GCNT3: variants seen among roughly 807,000 people sequenced by gnomAD.
GCNT3 encodes glucosaminyl (N-acetyl) transferase 3, mucin type.
For synonymous variants in GCNT3, 269 were observed against 195.2 expected, an observed-to-expected ratio of 1.38 and a Z score of -3.15; for missense variants, 708 against 530.3, an observed-to-expected ratio of 1.34 and a Z score of -3.29.
chr15:59,612,224 A>G (rs538382453), intron 1 of GCNT3, among the ~76,000 whole-genome samples: 3 of 152,170 alleles, frequency 2.0e-5, no homozygotes, highest in Non-Finnish European at 4.4e-5. Flanking sequence ...CAAACATACA[A>G]GGATTTATAA....
rs970423544 is a variant in GCNT3, at chr15:59,619,432, G to A, written c.1194G>A (p.Leu398=). ...TCTGCGTTTATGGGGCTGGGGACTT[G>A]AATTGGATGCTTCAAAACCATCACC... ...RAICVYGAGD[L]NWMLQNHHLL... Residue 398 remains leucine, a synonymous_variant, in exon 3 of 3, where the codon TTG becomes TTA. Transcript: ENST00000396065. 10 of 1,614,146 alleles carry A rather than the reference G, an allele frequency of 6.2e-6. No individual in the cohort carries two copies. Among genetic ancestry groups the A allele is most frequent in the East Asian group, 2.2e-5 (1 of 44,892 alleles).
chr15:59,617,170 C>CTTTTTTTTTTTTTTTTTT (rs373439386), intron 2 of GCNT3, among the ~76,000 whole-genome samples: 1 of 82,378 alleles, frequency 1.2e-5, no homozygotes, highest in African/African-American at 4.6e-5. Flanking sequence ...CTTTTGTTTT[C>CTTTTTTTTTTTTTTTTTT]TTTCTTTCTT....
At chr15:59,614,733 C>T (rs1180093312) in intron 1 of GCNT3, among the ~76,000 whole-genome samples, 4 of 152,112 alleles carry the variant, frequency 2.6e-5, no homozygotes, top group African/African-American at 9.7e-5. Context: ...GTATCTTGGG[C>T]CTATCTCCTC....
intron 2 of GCNT3, among the ~76,000 whole-genome samples, chr15:59,617,246 A>G (rs2082724240): frequency 6.6e-6 from 1 of 151,058 alleles, no homozygotes; most frequent in Non-Finnish European, 1.5e-5. Context: ...AGTCCAAACA[A>G]AATATAAAAG....
rs1377342086 is a variant in GCNT3, at chr15:59,618,754, C to G, written c.516C>G (p.Phe172Leu). The change falls in exon 3 of 3, where the codon TTC (phenylalanine) becomes TTG (leucine). Residue 172 changes from phenylalanine (F) to leucine (L), a missense_variant. By Grantham distance (22) the Phe-to-Leu change is conservative. Coordinates refer to ENST00000396065, the MANE Select transcript of GCNT3 (RefSeq NM_004751.3). The part of the protein sequence containing the change: ...VHVDEKSPET[F>L]KEAVKAIISC... Reference sequence around the variant, plus strand: ...TGGATGAGAAGTCCCCAGAAACTTTCAAAGAGGCGGTCAAAGCAATTATTT... The same window carrying G: ...TGGATGAGAAGTCCCCAGAAACTTTGAAAGAGGCGGTCAAAGCAATTATTT... The G allele has an allele frequency of 1.2e-6, 2 of 1,614,202 alleles. No homozygotes were observed.
intron 1 of GCNT3, among the ~76,000 whole-genome samples, chr15:59,615,936 C>T (rs1423723751): frequency 2.0e-5 from 3 of 152,182 alleles, no homozygotes; most frequent in African/African-American, 7.2e-5. Context: ...AGGAGTGTTG[C>T]TTTTTAGGAG....
intron 1 of GCNT3, among the ~76,000 whole-genome samples, chr15:59,614,605 T>C (rs1378804654): frequency 6.6e-6 from 1 of 152,206 alleles, no homozygotes; most frequent in African/African-American, 2.4e-5. Context: ...GTCATGGCAC[T>C]GGGGGCAGTG....
rs757048580 is a variant in GCNT3, at chr15:59,618,857, C to G, written c.619C>G (p.Leu207Val). ...CTCCTGGTCCAGGGTGCAAGCTGAC[C>G]TCAACTGCATGGAAGACTTGCTCCA... Reference protein sequence around the residue: ...YASWSRVQADLNCMEDLLQSS... With the variant: ...YASWSRVQADVNCMEDLLQSS... Residue 207 changes from leucine to valine, a missense_variant, in exon 3 of 3, where the codon CTC becomes GTC. Physicochemically the swap from Leu to Val is conservative, Grantham distance 32. Coordinates refer to ENST00000396065, the MANE Select transcript of GCNT3 (RefSeq NM_004751.3). The G allele has an allele frequency of 2.5e-6, 4 of 1,614,022 alleles. No homozygotes were observed. Among genetic ancestry groups the G allele is most frequent in the Non-Finnish European group, 3.4e-6 (4 of 1,180,030 alleles).
In GCNT3 at chr15:59,618,710, A is replaced by G; in HGVS notation, c.472A>G (p.Asn158Asp). 1.9e-6 allele frequency: 3 copies of G among 1,614,030 alleles called. No homozygotes were observed. The highest frequency in any genetic ancestry group is 2.7e-5 in the African/African-American group (2 of 75,052). ...ACTGCGAGCTGTGTATGCCCCTCAG[A>G]ACATATACTGTGTCCATGTGGATGA... ...RLLRAVYAPQ[N>D]IYCVHVDEKS... Residue 158 changes from asparagine to aspartate, a missense_variant, in exon 3 of 3, where the codon AAC (asparagine) becomes GAC (aspartate). Transcript: ENST00000396065.
chr15:59,614,261 C>T (rs781765182), intron 1 of GCNT3, among the ~76,000 whole-genome samples: 15 of 152,200 alleles, frequency 9.9e-5, no homozygotes, highest in East Asian at 1.9e-4. Flanking sequence ...ATCCCAGTAC[C>T]GCAGAAAACA....
At chr15:59,612,543 G>A (rs2082700935) in intron 1 of GCNT3, among the ~76,000 whole-genome samples, 1 of 152,146 alleles carries the variant, frequency 6.6e-6, no homozygotes, top group African/African-American at 2.4e-5. Context: ...TTTGTCCTTA[G>A]CAGGGGTAAA....
In GCNT3 at chr15:59,620,984, A is replaced by C. The variant is rs1404693173; in HGVS notation, c.*1429A>C. ...CTGAAGCCTCTGCCTCCCAGGTTCAAGTGATTCTCCCCCCAAACCTTGCAA... is the reference window on the plus strand; with the variant it reads ...CTGAAGCCTCTGCCTCCCAGGTTCACGTGATTCTCCCCCCAAACCTTGCAA... On this transcript the variant is annotated 3_prime_UTR_variant, in exon 3 of 3. Coordinates refer to ENST00000396065, the MANE Select transcript of GCNT3 (RefSeq NM_004751.3). 1.4e-5 allele frequency: 2 copies of C among 145,934 alleles called. No individual in the cohort carries two copies. The highest frequency in any genetic ancestry group is 7.3e-5 in the Admixed American group (1 of 13,778). 9.0% of individuals were successfully genotyped at this position (145,934 alleles called of 1,614,324 possible). A position where few individuals can be genotyped will look rare whatever the true frequency, so the allele number is the denominator to read the frequency against.
Position 59,622,425 on chromosome 15 carries a change from A to T in GCNT3, c.*2870A>T, listed in dbSNP as rs910306169. 6.6e-6 allele frequency: 1 copy of T among 152,224 alleles called. No homozygotes were observed. The highest frequency in any genetic ancestry group is 3.4e-3 in the Middle Eastern group (1 of 294). The allele number at this position is 152,224 out of a possible 1,614,324, so 9.4% of individuals were successfully genotyped here. On this transcript the variant is annotated 3_prime_UTR_variant, in exon 3 of 3. Transcript: ENST00000396065. ...TAGAGTCCTATTCACTTTGCTCCCA[A>T]CCCCACTACGGAGATGACTGATGAC...
chr15:59,616,322 A>G (rs1160162912), intron 1 of GCNT3: 1 of 152,164 alleles, frequency 6.6e-6, no homozygotes, highest in East Asian at 1.9e-4. Context: ...CTTGAAGAGT[A>G]TTTTTATTCC....
At chr15:59,617,149 T>TCTTTC in intron 2 of GCNT3, among the ~76,000 whole-genome samples, 1 of 150,528 alleles carries the variant, frequency 6.6e-6, no homozygotes, top group South Asian at 2.1e-4. Flanking sequence ...CAATGTTTTT[T>TCTTTC]CTTTATTTTT....
At position 59,619,194 on chromosome 15, in the gene GCNT3, TTGAA is replaced by T. The variant is rs2082735403; in HGVS notation, c.959_962del (p.Glu320GlyfsTer2). 6.2e-7 allele frequency: 1 copy of T among 1,613,846 alleles called. No homozygotes were observed. Among genetic ancestry groups the T allele is most frequent in the Non-Finnish European group, 8.5e-7 (1 of 1,179,960 alleles). On this transcript the variant is annotated frameshift_variant, in exon 3 of 3. Transcript: ENST00000396065. LOFTEE classifies it low-confidence loss of function (END_TRUNC). The stretch of plus-strand genomic sequence containing the variant: ...AAGAACCCTAAATCCCAACAACTGA[TTGAA>T]TGGGTAAAAGACACTTATAGCCCAG...
chr15:59,615,390 A>C (rs976466637), intron 1 of GCNT3, among the ~76,000 whole-genome samples: 1 of 151,824 alleles, frequency 6.6e-6, no homozygotes, highest in Non-Finnish European at 1.5e-5. Flanking sequence ...AGTGGTCACC[A>C]CTCTTCAGAG....
Position 59,621,071 on chromosome 15 carries a change from G to T in GCNT3, c.*1516G>T, listed in dbSNP as rs1890922312. 1 of 151,276 alleles carries T rather than the reference G, an allele frequency of 6.6e-6. No individual in the cohort carries two copies. The highest frequency in any genetic ancestry group is 1.5e-5 in the Non-Finnish European group (1 of 67,862). 9.4% of individuals were successfully genotyped at this position (151,276 alleles called of 1,614,324 possible). On this transcript the variant is annotated 3_prime_UTR_variant, in exon 3 of 3. Coordinates refer to ENST00000396065, the MANE Select transcript of GCNT3 (RefSeq NM_004751.3). ...CTGATTTTTGTGTATTTTTAGTAAAGATGGGGTTTCACCATGTTGGCCAGG... is the reference window on the plus strand; with the variant it reads ...CTGATTTTTGTGTATTTTTAGTAAATATGGGGTTTCACCATGTTGGCCAGG...
chr15:59,619,319 G>A lies in GCNT3; in HGVS notation c.1081G>A (p.Ala361Thr), dbSNP rs540970335. The change falls in exon 3 of 3, where the codon GCC (alanine) becomes ACC (threonine). Residue 361 changes from alanine to threonine, a missense_variant. Coordinates refer to ENST00000396065, the MANE Select transcript of GCNT3 (RefSeq NM_004751.3). ...KYDISDMTSI[A>T]RLVKWQGHEG... is the part of the protein sequence containing the mutation. ...CGACATCTCAGACATGACTTCTATT[G>A]CCAGGCTGGTCAAGTGGCAGGGTCA... 1 of 1,614,028 alleles carries A rather than the reference G, an allele frequency of 6.2e-7. No individual in the cohort carries two copies. The highest frequency in any genetic ancestry group is 8.5e-7 in the Non-Finnish European group (1 of 1,179,992).
Sources: allele counts gnomAD v4.1 joint callset (sites outside exome capture counted in the v4.1 genomes callset), GRCh38; gene constraint gnomAD v4.1.1; transcripts MANE v1.5; gene names NCBI Gene and HGNC (gene_info 2026-07-23, HGNC 2026-07-21).